PCDHA8: variants seen among roughly 807,000 people sequenced by gnomAD.
PCDHA8 encodes protocadherin alpha 8, also known as protocadherin alpha-8.
PCDHA8 carries 53 observed loss-of-function variants against 61.8 expected under a neutral mutation model. That is an observed-to-expected ratio of 0.86 (90% confidence interval 0.69 to 1.08). PCDHA8 has a LOEUF of 1.08. PCDHA8 is among the 50% of genes least tolerant of loss of function. The probability of loss-of-function intolerance (pLI) is 0.00; values close to 1 mark genes in which losing one functional copy is unlikely to be tolerated. For missense variants in PCDHA8, 1,293 were observed against 1,245.0 expected (o/e 1.04, Z -0.58); for synonymous variants, 618 against 556.6 (o/e 1.11, Z -1.55).
At chr5:140,860,361 A>G (rs2046358077) in intron 1 of PCDHA8, 2 of 152,182 alleles carry the variant, frequency 1.3e-5, no homozygotes, top group African/African-American at 4.8e-5. Flanking sequence ...AGCCTGGATG[A>G]CAAAGTGAGA....
At chr5:140,932,727 A>G (rs927294598) in intron 1 of PCDHA8, among the ~76,000 whole-genome samples, 2 of 151,954 alleles carry the variant, frequency 1.3e-5, no homozygotes, top group Non-Finnish European at 2.9e-5. Flanking sequence ...ATTGTATAAT[A>G]TAGACCCTCA....
Position 140,975,977 on chromosome 5 carries a change from TA to T in PCDHA8, c.2395-2971del, listed in dbSNP as rs781900191. ...GTTCTTCACCAATAGAAAGTAAGCATAGTCCTGGGAGGTACCATCTAAGTAT... is the reference window on the plus strand; with the variant it reads ...GTTCTTCACCAATAGAAAGTAAGCATGTCCTGGGAGGTACCATCTAAGTAT... On this transcript the variant is annotated intron_variant, in intron 1 of 3. Coordinates refer to ENST00000531613, the MANE Select transcript of PCDHA8 (RefSeq NM_018911.3). Among the ~76,000 whole-genome samples, 17 of 152,284 alleles carry T rather than the reference TA, an allele frequency of 1.1e-4. 1 individual carries two copies. The highest frequency in any genetic ancestry group is 1.8e-4 in the Non-Finnish European group (12 of 68,014).
intron 3 of PCDHA8, among the ~76,000 whole-genome samples, chr5:140,991,929 C>T (rs1250639930): frequency 1.3e-5 from 2 of 152,088 alleles, no homozygotes; most frequent in South Asian, 2.1e-4. Flanking sequence ...ATAACATATT[C>T]ACAAGTTCTA....
chr5:140,961,938 C>T (rs1443851298), intron 1 of PCDHA8, among the ~76,000 whole-genome samples: 3 of 151,024 alleles, frequency 2.0e-5, no homozygotes, highest in African/African-American at 7.3e-5. Flanking sequence ...GGCTGGAGTG[C>T]AGTGGCATGA....
intron 2 of PCDHA8, chr5:140,982,224 A>C: frequency 1.7e-6 from 1 of 587,320 alleles, no homozygotes; most frequent in South Asian, 3.8e-5. Flanking sequence ...TGGCGTTAAT[A>C]AAAAACAGAA....
chr5:140,999,985 G>T (rs1451778210), intron 3 of PCDHA8, among the ~76,000 whole-genome samples: 1 of 152,022 alleles, frequency 6.6e-6, no homozygotes, highest in African/African-American at 2.4e-5. Context: ...AGCGGCCTCT[G>T]GGTAGTGGTA....
At chr5:140,876,099 T>C (rs782428764) in intron 1 of PCDHA8, 7 of 1,613,954 alleles carry the variant, frequency 4.3e-6, no homozygotes, top group Middle Eastern at 1.6e-4. Context: ...CAAAACTCAA[T>C]TTATTGCTGA....
intron 1 of PCDHA8, among the ~76,000 whole-genome samples, chr5:140,846,908 T>C (rs991688618): frequency 6.7e-6 from 1 of 149,590 alleles, no homozygotes; most frequent in Admixed American, 6.7e-5. Flanking sequence ...TGAAAGACAA[T>C]CATTTCCTAT....
At chr5:140,874,757 C>T (rs984706003) in intron 1 of PCDHA8, among the ~76,000 whole-genome samples, 6 of 152,190 alleles carry the variant, frequency 3.9e-5, no homozygotes, top group Non-Finnish European at 8.8e-5. Context: ...CAAACAATAA[C>T]GCTCTCCATA....
intron 1 of PCDHA8, chr5:140,877,976 C>T: frequency 8.0e-7 from 1 of 1,255,054 alleles, no homozygotes. Flanking sequence ...GTCATTCTTA[C>T]TCATTTTGAA....
intron 3 of PCDHA8, among the ~76,000 whole-genome samples, chr5:140,994,117 G>A (rs889813029): frequency 2.6e-5 from 4 of 152,198 alleles, no homozygotes; most frequent in Admixed American, 6.5e-5. Flanking sequence ...ATTGTCATGT[G>A]ATAAGGGCGA....
rs571694728 is a variant in PCDHA8, at chr5:140,949,343, CTG to C, written c.2395-29602_2395-29601del. Among the ~76,000 whole-genome samples the C allele has an allele frequency of 8.0e-4, 121 of 151,818 alleles. 1 individual carries two copies. Among genetic ancestry groups the C allele is most frequent in the Admixed American group, 3.5e-3 (54 of 15,258 alleles). On this transcript the variant is annotated intron_variant, in intron 1 of 3. Transcript: ENST00000531613. ...TATAAATTATTGTTATCCAGATTTT[CTG>C]TGTCTTTATTTTTTTGTCTAGTTGT...
At chr5:140,858,637 A>G in intron 1 of PCDHA8, 1 of 969,728 alleles carries the variant, frequency 1.0e-6, no homozygotes, top group Non-Finnish European at 1.5e-6. Context: ...TCAGCCTTTG[A>G]TTGGTACTTA....
At chr5:140,869,712 G>A in intron 1 of PCDHA8, 4 of 1,613,408 alleles carry the variant, frequency 2.5e-6, no homozygotes, top group South Asian at 1.1e-5. Context: ...TGGATAGAGA[G>A]AAAACTCCGG....
At chr5:141,003,095 T>C (rs1245011518) in intron 3 of PCDHA8, among the ~76,000 whole-genome samples, 3 of 152,258 alleles carry the variant, frequency 2.0e-5, no homozygotes, top group African/African-American at 7.2e-5. Flanking sequence ...AGGCCTGGCA[T>C]TTGCTTCACA....
At chr5:140,958,913 C>T (rs1367853733) in intron 1 of PCDHA8, among the ~76,000 whole-genome samples, 12 of 151,050 alleles carry the variant, frequency 7.9e-5, no homozygotes, top group Non-Finnish European at 8.8e-5. Context: ...AAAAGTCTGC[C>T]TGGGTGTGGT....
intron 1 of PCDHA8, chr5:140,847,470 C>T (rs2150400882): frequency 3.3e-5 from 5 of 149,674 alleles, no homozygotes; most frequent in African/African-American, 1.2e-4. Context: ...TCGACTTGGA[C>T]GTTGGAATAA....
chr5:140,843,295 G>A lies in PCDHA8; in HGVS notation c.1974G>A (p.Ala658=), dbSNP rs2150356733. The change falls in exon 1 of 4, where the codon GCG becomes GCA. Residue 658 remains alanine (A), a synonymous_variant. Transcript: ENST00000531613. ...LVLVKDHGEP[A]LTATATVLVS... ...TGGTGAAGGATCATGGTGAACCTGC[G>A]CTGACCGCCACGGCCACGGTTCTGG... is the stretch of plus-strand genomic sequence containing the variant. 8.4e-5 allele frequency: 134 copies of A among 1,595,834 alleles called. 14 individuals are homozygous for A. In the Admixed American group the frequency reaches 2.2e-3, roughly 27 times the overall value.
chr5:140,959,413 T>G (rs1328731924), intron 1 of PCDHA8, among the ~76,000 whole-genome samples: 1 of 152,152 alleles, frequency 6.6e-6, no homozygotes, highest in Admixed American at 6.6e-5. Context: ...TGTTGATTGA[T>G]CTGAGAATTT....
Sources: allele counts gnomAD v4.1 joint callset (sites outside exome capture counted in the v4.1 genomes callset), GRCh38; gene constraint gnomAD v4.1.1; transcripts MANE v1.5; gene names NCBI Gene and HGNC (gene_info 2026-07-23, HGNC 2026-07-21).